The following FGF8 variants were observed in gnomAD, a reference collection of about 807,000 sequenced individuals.
FGF8 encodes the protein fibroblast growth factor 8.
In FGF8, 12 loss-of-function variants were observed where a neutral mutation model predicts 29.7. That is an observed-to-expected ratio of 0.40 (90% confidence interval 0.26 to 0.65). The LOEUF is 0.65. FGF8 is among the 30% of genes least tolerant of loss of function. FGF8 has a pLI of 0.37. For synonymous variants in FGF8, 157 were observed against 144.4 expected (o/e 1.09, Z -0.63); for missense variants, 271 against 345.1 (o/e 0.79, Z 1.70).
rs1293075432 is a variant in FGF8 at position 101,775,930 on chromosome 10, G to T, written c.-30C>A. 24 of 1,208,446 alleles carry T rather than the reference G, an allele frequency of 2.0e-5. No individual in the cohort carries two copies. Among genetic ancestry groups the T allele is most frequent in the Non-Finnish European group, 1.7e-5 (17 of 976,368 alleles). The allele number at this position is 1,208,446 out of a possible 1,614,324, so 74.9% of individuals were successfully genotyped here. ...CGCGGCCCCGGGGCACCGAGAGCCC[G>T]GCGGGTCACGCCGTCCCGCGGGCCG... On this transcript the variant is annotated 5_prime_UTR_variant, in exon 1 of 6. Transcript: ENST00000320185. The surrounding 1 kb of genome is among the most constrained non-coding windows in gnomAD (Gnocchi z 4.6).
chr10:101,779,229 T>G (rs949373921), upstream of FGF8, among the ~76,000 whole-genome samples: 2 of 152,044 alleles, frequency 1.3e-5, no homozygotes, highest in Non-Finnish European at 2.9e-5. This position sits in a 1 kb window ranked among gnomAD's most constrained non-coding sequence, Gnocchi z 5.7. Context: ...GCGCCGGGCG[T>G]TCAAAGCGCC....
chr10:101,777,759 T>TTGAA (rs3840750), upstream of FGF8, among the ~76,000 whole-genome samples: 75 of 152,292 alleles, frequency 4.9e-4, no homozygotes, highest in South Asian at 3.1e-3. Context: ...TAAGAGTTCG[T>TTGAA]TGAATGAATG....
chr10:101,779,502 G>C (rs771079808), upstream of FGF8, among the ~76,000 whole-genome samples: 11 of 152,230 alleles, frequency 7.2e-5, no homozygotes, highest in Admixed American at 5.9e-4. This position sits in a 1 kb window ranked among gnomAD's most constrained non-coding sequence, Gnocchi z 5.7. Flanking sequence ...TTGCCCAGCT[G>C]TGTCCGCGGG....
intron 5 of FGF8, 30 bp from the exon 6 acceptor site, chr10:101,770,649 A>G (rs375871205): frequency 3.1e-6 from 5 of 1,602,870 alleles, no homozygotes; most frequent in Non-Finnish European, 4.2e-6. Context: ...ACACCACGTT[A>G]CAGAGCCCCC....
Position 101,772,007 on chromosome 10 carries a change from C to T in FGF8, c.338-438G>A, listed in dbSNP as rs2065033993. Among the ~76,000 whole-genome samples, 2 of 152,388 alleles carry T rather than the reference C, an allele frequency of 1.3e-5. No homozygotes were observed. Among genetic ancestry groups the T allele is most frequent in the East Asian group, 3.9e-4 (2 of 5,190 alleles). On this transcript the variant is annotated intron_variant, in intron 4 of 5. Transcript: ENST00000320185. The surrounding 1 kb of genome is among the most constrained non-coding windows in gnomAD (Gnocchi z 4.4). The stretch of plus-strand genomic sequence containing the variant: ...TGTGTGCGTGTCTCACAGGTCATTA[C>T]AAACACTTGGGTGAAGGGGTGACCT...
At chr10:101,774,943 C>T (rs753693921) in intron 3 of FGF8, 31 bp from the exon 4 acceptor site, 1 of 1,609,700 alleles carries the variant, frequency 6.2e-7, no homozygotes, top group Non-Finnish European at 8.5e-7. Flanking sequence ...CACAATACAC[C>T]ATTATAATGC....
In FGF8 at chr10:101,770,428, G is replaced by T. The variant is rs761660781; in HGVS notation, c.636C>A (p.His212Gln). The T allele has an allele frequency of 1.9e-6, 3 of 1,609,374 alleles. No individual in the cohort carries two copies. In the Admixed American group the frequency reaches 5.1e-5, roughly 27 times the overall value. Reference sequence around the variant, plus strand: ...CGAAGCGCAGGCTCTGCTCGGTGGTGTGGTGGCCCCGGGGCAGCCGCTTCA... The same window carrying T: ...CGAAGCGCAGGCTCTGCTCGGTGGTTTGGTGGCCCCGGGGCAGCCGCTTCA... ...HFMKRLPRGH[H>Q]TTEQSLRFEF... Residue 212 changes from histidine to glutamine, a missense_variant, in exon 6 of 6, where the codon CAC (histidine) becomes CAA (glutamine). Physicochemically the swap from His to Gln is conservative, Grantham distance 24. This residue lies in a region of FGF8 where 62 missense variants were observed against 58.1 expected (regional missense o/e 1.07). Transcript: ENST00000320185.
At chr10:101,776,436 C>T (rs2065095852), upstream of FGF8, among the ~76,000 whole-genome samples, 1 of 151,362 alleles carries the variant, frequency 6.6e-6, no homozygotes, top group Non-Finnish European at 1.5e-5. Context: ...CTCGCGCGCT[C>T]CCCGGTCCCG....
At position 101,775,054 on chromosome 10, in the gene FGF8, G is replaced by GCCACCATCCCCACC. The variant is rs1344422215; in HGVS notation, c.156+75_156+76insGGTGGGGATGGTGG. On this transcript the variant is annotated intron_variant, in intron 3 of 5. Coordinates refer to ENST00000320185, the MANE Select transcript of FGF8 (RefSeq NM_033163.5). This position sits in a 1 kb window ranked among gnomAD's most constrained non-coding sequence, Gnocchi z 4.6. ...GGGTTCCCCCAACATGCCAGCCCAG[G>GCCACCATCCCCACC]CCACCATCCCCCACCCACGCAAGTC... is the stretch of plus-strand genomic sequence containing the variant. 6 of 1,501,262 alleles carry GCCACCATCCCCACC rather than the reference G, an allele frequency of 4.0e-6. No individual in the cohort carries two copies. Among genetic ancestry groups the GCCACCATCCCCACC allele is most frequent in the South Asian group, 2.4e-5 (2 of 83,656 alleles). 93.0% of individuals were successfully genotyped at this position (1,501,262 alleles called of 1,614,324 possible). A position where few individuals can be genotyped will look rare whatever the true frequency, so the allele number is the denominator to read the frequency against.
chr10:101,774,693 G>A, intron 4 of FGF8, 39 bp downstream of exon 4: 1 of 1,575,130 alleles, frequency 6.3e-7, no homozygotes, highest in South Asian at 1.1e-5. Flanking sequence ...GGTGGTCCAG[G>A]CGCCGCGCAT....
intron 4 of FGF8, among the ~76,000 whole-genome samples, chr10:101,773,042 G>A (rs370416256): frequency 1.4e-4 from 21 of 152,280 alleles, no homozygotes; most frequent in African/African-American, 4.3e-4. Flanking sequence ...TCCTGGGGCC[G>A]GTAAAGAAGC....
chr10:101,776,774 C>T (rs753993743), upstream of FGF8, among the ~76,000 whole-genome samples: 50 of 152,042 alleles, frequency 3.3e-4, no homozygotes, highest in Non-Finnish European at 6.8e-4. Context: ...TTCACTCTCC[C>T]GAGGAGGCCC....
intron 3 of FGF8, 64 bp from the exon 4 acceptor site, chr10:101,774,976 G>A: frequency 6.3e-7 from 1 of 1,576,888 alleles, no homozygotes; most frequent in Non-Finnish European, 8.7e-7. Context: ...GGGCCCGAGT[G>A]GCCCCATCAC....
At chr10:101,777,896 C>G (rs2065111903), upstream of FGF8, among the ~76,000 whole-genome samples, 1 of 152,240 alleles carries the variant, frequency 6.6e-6, no homozygotes, top group Admixed American at 6.5e-5. Context: ...TTAGTGAGCA[C>G]TTGTATCTGC....
At chr10:101,776,345 G>C (rs1427018195), upstream of FGF8, among the ~76,000 whole-genome samples, 3 of 150,188 alleles carry the variant, frequency 2.0e-5, no homozygotes, top group African/African-American at 7.3e-5. Flanking sequence ...TGAGGGTCTG[G>C]GCTAGGGGAG....
upstream of FGF8, among the ~76,000 whole-genome samples, chr10:101,777,337 C>T (rs769177517): frequency 6.6e-6 from 1 of 152,192 alleles, no homozygotes; most frequent in East Asian, 1.9e-4. Flanking sequence ...TCTTCACTTA[C>T]AACCTCCCCT....
Position 101,775,049 on chromosome 10 carries a change from C to T in FGF8, c.156+81G>A. The T allele has an allele frequency of 3.3e-6, 5 of 1,499,266 alleles. No individual in the cohort carries two copies. Among genetic ancestry groups the T allele is most frequent in the Non-Finnish European group, 4.5e-6 (5 of 1,099,172 alleles). 92.9% of individuals were successfully genotyped at this position (1,499,266 alleles called of 1,614,324 possible). ...GCTGGGGGTTCCCCCAACATGCCAG[C>T]CCAGGCCACCATCCCCCACCCACGC... On this transcript the variant is annotated intron_variant, in intron 3 of 5. Transcript: ENST00000320185. This position sits in a 1 kb window ranked among gnomAD's most constrained non-coding sequence, Gnocchi z 4.6.
chr10:101,773,416 C>T (rs2065048774), intron 4 of FGF8, among the ~76,000 whole-genome samples: 1 of 152,180 alleles, frequency 6.6e-6, no homozygotes. Flanking sequence ...TCTGCCAGCC[C>T]AGTAGGGGAG....
intron 3 of FGF8, 37 bp from the exon 4 acceptor site, chr10:101,774,949 A>G (rs1259128804): frequency 6.2e-7 from 1 of 1,608,560 alleles, no homozygotes; most frequent in African/African-American, 1.3e-5. Flanking sequence ...ACACCATTAT[A>G]ATGCTACTCC....
Sources: gnomAD v4.1 joint callset for allele counts (sites outside exome capture counted in the v4.1 genomes callset) on GRCh38, gnomAD v4.1.1 for gene constraint, gnomAD v4.1.1 regional missense constraint, Gnocchi (gnomAD v3.1) non-coding constraint, MANE v1.5 for transcripts, NCBI Gene and HGNC (gene_info 2026-07-23, HGNC 2026-07-21) for gene names.